PALLD: variants seen among roughly 807,000 people sequenced by gnomAD.
PALLD encodes palladin.
PALLD carries 61 observed loss-of-function variants against 123.5 expected under a neutral mutation model. That is an observed-to-expected ratio of 0.49 (90% CI 0.40 to 0.61). The LOEUF (loss-of-function observed/expected upper bound fraction) is 0.61, where lower values mean the gene tolerates loss of function less well. Among genes scored for constraint, PALLD ranks in the 20% least tolerant of loss-of-function variants. The pLI, the probability that PALLD is intolerant of heterozygous loss-of-function variation, is 0.00. For synonymous variants in PALLD, 465 were observed against 496.4 expected, an observed-to-expected ratio of 0.94 and a Z score of 0.84; for missense variants, 1,273 against 1,377.0, an observed-to-expected ratio of 0.92 and a Z score of 1.20.
At chr4:168,725,524 T>TTC (rs1218913926) in intron 10 of PALLD, among the ~76,000 whole-genome samples, 6 of 120,134 alleles carry the variant, frequency 5.0e-5, no homozygotes, top group Non-Finnish European at 6.7e-5. Flanking sequence ...TTTAATTTCT[T>TTC]TTTTTTTTTT....
At chr4:168,737,128 C>T (rs1024126416) in intron 10 of PALLD, among the ~76,000 whole-genome samples, 1 of 152,176 alleles carries the variant, frequency 6.6e-6, no homozygotes, top group Admixed American at 6.5e-5. Flanking sequence ...TTGTTCTCTC[C>T]TCTTTTAAAC....
chr4:168,604,454 A>T (rs1204905479), intron 2 of PALLD, among the ~76,000 whole-genome samples: 1 of 152,222 alleles, frequency 6.6e-6, no homozygotes, highest in Non-Finnish European at 1.5e-5. Context: ...AATCGGCCAA[A>T]CAATCTGCAA....
At chr4:168,754,611 A>C (rs909652077) in intron 10 of PALLD, among the ~76,000 whole-genome samples, 2 of 152,202 alleles carry the variant, frequency 1.3e-5, no homozygotes, top group African/African-American at 4.8e-5. Flanking sequence ...TCTGAAGAAA[A>C]ACAATTGTGT....
At position 168,793,200 on chromosome 4, in the gene PALLD, CAT is replaced by C. The variant is rs1737827607; in HGVS notation, c.1964+81285_1964+81286del. Among the ~76,000 whole-genome samples the C allele has an allele frequency of 1.3e-4, 7 of 55,996 alleles. 1 individual carries two copies. Among genetic ancestry groups the C allele is most frequent in the Admixed American group, 4.1e-4 (2 of 4,890 alleles). 36.7% of individuals were successfully genotyped at this position (55,996 alleles called of 152,430 possible). On this transcript the variant is annotated intron_variant, in intron 10 of 21. Transcript: ENST00000505667. ...GCATATATATACATATATATGTGTG[CAT>C]ATATATACATATATATGTGTGCATA...
chr4:168,671,828 C>T (rs997183598), intron 3 of PALLD, among the ~76,000 whole-genome samples: 1 of 152,202 alleles, frequency 6.6e-6, no homozygotes. Context: ...ACTACATCAG[C>T]TGTCGTTGGC....
chr4:168,558,607 G>A (rs532370830), intron 2 of PALLD, among the ~76,000 whole-genome samples: 2 of 152,284 alleles, frequency 1.3e-5, no homozygotes, highest in African/African-American at 4.8e-5. Context: ...GGGCCCAAGA[G>A]TCTTGGAACT....
At chr4:168,602,017 G>A (rs1257412517) in intron 2 of PALLD, among the ~76,000 whole-genome samples, 2 of 152,150 alleles carry the variant, frequency 1.3e-5, no homozygotes, top group East Asian at 1.9e-4. Context: ...GGGGATAATG[G>A]GGCCGGGCAA....
At chr4:168,726,747 C>T (rs1177012665) in intron 10 of PALLD, among the ~76,000 whole-genome samples, 1 of 149,344 alleles carries the variant, frequency 6.7e-6, no homozygotes, top group Non-Finnish European at 1.5e-5. Context: ...GAGATGCTGT[C>T]CCTTTAAAAA....
At chr4:168,633,684 A>G (rs1776054920) in intron 2 of PALLD, among the ~76,000 whole-genome samples, 1 of 152,226 alleles carries the variant, frequency 6.6e-6, no homozygotes. Flanking sequence ...ATTAGAAACT[A>G]CAAGAGACTT....
chr4:168,889,581 A>G (rs1581927161), intron 10 of PALLD, among the ~76,000 whole-genome samples: 1 of 152,170 alleles, frequency 6.6e-6, no homozygotes, highest in African/African-American at 2.4e-5. Context: ...CATTTCTAGT[A>G]CCTTTGAAGC....
At chr4:168,549,391 G>A (rs766490079) in intron 2 of PALLD, among the ~76,000 whole-genome samples, 10 of 152,038 alleles carry the variant, frequency 6.6e-5, no homozygotes, top group Non-Finnish European at 1.5e-4. Context: ...CTGTATATGT[G>A]TTTGTACAGC....
intron 2 of PALLD, 34 bp from the exon 3 acceptor site, chr4:168,668,156 C>G (rs1779836267): frequency 1.3e-6 from 2 of 1,554,740 alleles, no homozygotes; most frequent in Admixed American, 3.3e-5. Context: ...TCCTTTCTTT[C>G]CCTCCTATCC....
Position 168,897,821 on chromosome 4 carries a change from G to GT in PALLD, c.2251-660dup, listed in dbSNP as rs201970702. 1.3e-3 allele frequency among the ~76,000 whole-genome samples: 187 copies of GT among 142,886 alleles called. 2 individuals are homozygous for GT. The highest frequency in any genetic ancestry group is 0.012 in the East Asian group (58 of 4,926). 93.7% of individuals were successfully genotyped at this position (142,886 alleles called of 152,430 possible). A position where few individuals can be genotyped will look rare whatever the true frequency, so the allele number is the denominator to read the frequency against. ...ATCACCACAGGAATGTTGATGGGTT[G>GT]TTTTTTTTTTTTAAAGCAAAATTTT... is the stretch of plus-strand genomic sequence containing the variant. On this transcript the variant is annotated intron_variant, in intron 13 of 21. Coordinates refer to ENST00000505667, the MANE Select transcript of PALLD (RefSeq NM_001166108.2).
intron 10 of PALLD, among the ~76,000 whole-genome samples, chr4:168,721,223 C>T (rs563092567): frequency 1.3e-5 from 2 of 152,196 alleles, no homozygotes; most frequent in African/African-American, 2.4e-5. Context: ...TACCTAAGTG[C>T]GTAGGAGAGC....
rs1761514468 is a variant in PALLD at position 168,921,508 on chromosome 4, T to G, written c.2851-26T>G. 6.7e-7 allele frequency: 1 copy of G among 1,492,336 alleles called. No homozygotes were observed. The allele number at this position is 1,492,336 out of a possible 1,614,324, so 92.4% of individuals were successfully genotyped here. ...TTTCACTCTGTTTTAATACAAAAATTTACATGTATTTCTTTTATGATTTAG... is the reference window on the plus strand; with the variant it reads ...TTTCACTCTGTTTTAATACAAAAATGTACATGTATTTCTTTTATGATTTAG... On this transcript the variant is annotated intron_variant, in intron 17 of 21. Transcript: ENST00000505667.
chr4:168,711,012 T>A (rs1581097777), intron 9 of PALLD, among the ~76,000 whole-genome samples: 2 of 152,316 alleles, frequency 1.3e-5, no homozygotes, highest in East Asian at 3.9e-4. Context: ...GATCTCAAGA[T>A]GCTTTCAGCC....
chr4:168,671,531 G>A (rs992349669), intron 3 of PALLD, among the ~76,000 whole-genome samples: 6 of 152,154 alleles, frequency 3.9e-5, no homozygotes, highest in Admixed American at 6.5e-5. Flanking sequence ...AAGGAAACTG[G>A]ACATAGCAAG....
intron 15 of PALLD, among the ~76,000 whole-genome samples, chr4:168,908,908 G>C (rs1286599277): frequency 6.6e-6 from 1 of 152,154 alleles, no homozygotes; most frequent in African/African-American, 2.4e-5. Context: ...TTTCCACCTG[G>C]GTTAATCTTT....
intron 10 of PALLD, among the ~76,000 whole-genome samples, chr4:168,882,181 G>C (rs1240385530): frequency 6.6e-6 from 1 of 152,138 alleles, no homozygotes; most frequent in Non-Finnish European, 1.5e-5. Context: ...TTATTATATA[G>C]GCCCACAGCT....
Sources: gnomAD v4.1 joint callset for allele counts (sites outside exome capture counted in the v4.1 genomes callset) on GRCh38, gnomAD v4.1.1 for gene constraint, MANE v1.5 for transcripts, NCBI Gene and HGNC (gene_info 2026-07-23, HGNC 2026-07-21) for gene names.